Variants in CRPPA observed in about 807,000 individuals in gnomAD.
CRPPA encodes the protein D-ribitol-5-phosphate cytidylyltransferase.
In CRPPA, 43 loss-of-function variants were observed where a neutral mutation model predicts 52.0. That is an observed-to-expected ratio of 0.83 (90% CI 0.65 to 1.07). The LOEUF (loss-of-function observed/expected upper bound fraction) is 1.07. Among genes scored for constraint, CRPPA ranks in the 50% least tolerant of loss-of-function variants. The pLI, the probability that CRPPA is intolerant of heterozygous loss-of-function variation, is 0.00. For missense variants in CRPPA, 629 were observed against 551.7 expected (o/e 1.14, Z -1.40); for synonymous variants, 250 against 203.5 (o/e 1.23, Z -1.94).
intron 9 of CRPPA, among the ~76,000 whole-genome samples, chr7:16,125,729 A>C (rs1008410819): frequency 3.9e-5 from 6 of 152,294 alleles, no homozygotes; most frequent in African/African-American, 1.4e-4. Flanking sequence ...TTCAAAATTT[A>C]TCAAAAGGCC....
chr7:16,190,147 G>C (rs903865437), intron 9 of CRPPA, among the ~76,000 whole-genome samples: 1 of 152,160 alleles, frequency 6.6e-6, no homozygotes, highest in African/African-American at 2.4e-5. Context: ...ATTTACAAGT[G>C]TCAAGCCAGC....
chr7:16,314,783 G>C (rs980012428), intron 3 of CRPPA, among the ~76,000 whole-genome samples: 1 of 152,042 alleles, frequency 6.6e-6, no homozygotes, highest in Non-Finnish European at 1.5e-5. Context: ...AATTCTATGG[G>C]TAAGGTGTTT....
At chr7:16,114,572 T>C (rs540291853) in intron 9 of CRPPA, among the ~76,000 whole-genome samples, 1 of 151,838 alleles carries the variant, frequency 6.6e-6, no homozygotes, top group African/African-American at 2.4e-5. Context: ...TACTAAAACG[T>C]GTGAATAACC....
At chr7:16,376,622 C>A (rs185261738) in intron 2 of CRPPA, among the ~76,000 whole-genome samples, 5 of 152,240 alleles carry the variant, frequency 3.3e-5, no homozygotes, top group Non-Finnish European at 4.4e-5. Context: ...AGTATACCCT[C>A]AGGAGAGTTA....
intron 8 of CRPPA, among the ~76,000 whole-genome samples, chr7:16,255,942 T>C (rs942720896): frequency 6.6e-6 from 1 of 152,086 alleles, no homozygotes; most frequent in African/African-American, 2.4e-5. Flanking sequence ...AATTGACAAA[T>C]GGGATCTAAT....
intron 9 of CRPPA, among the ~76,000 whole-genome samples, chr7:16,192,172 G>A (rs1269575532): frequency 6.6e-6 from 1 of 152,060 alleles, no homozygotes; most frequent in Non-Finnish European, 1.5e-5. Flanking sequence ...TTTTCCACAT[G>A]GGATGGTGCG....
intron 3 of CRPPA, among the ~76,000 whole-genome samples, chr7:16,326,996 T>C (rs1162727244): frequency 2.0e-5 from 3 of 152,210 alleles, no homozygotes; most frequent in Non-Finnish European, 4.4e-5. Context: ...GGTCTTACCA[T>C]CTTTCCATGT....
chr7:16,115,342 T>C (rs1290970489), intron 9 of CRPPA, among the ~76,000 whole-genome samples: 1 of 152,094 alleles, frequency 6.6e-6, no homozygotes, highest in Non-Finnish European at 1.5e-5. Flanking sequence ...ATGGATTACA[T>C]ATAAGAAAAA....
chr7:16,289,113 G>A (rs1784507984), intron 5 of CRPPA, among the ~76,000 whole-genome samples: 1 of 152,076 alleles, frequency 6.6e-6, no homozygotes, highest in African/African-American at 2.4e-5. Context: ...AGAGGAAGTT[G>A]TTAAATTCCA....
At chr7:16,151,951 CA>C (rs1237847733) in intron 9 of CRPPA, among the ~76,000 whole-genome samples, 1 of 151,822 alleles carries the variant, frequency 6.6e-6, no homozygotes, top group Non-Finnish European at 1.5e-5. Flanking sequence ...AAATTCACTC[CA>C]AAATTTCATG....
rs555343934 is a variant in CRPPA, at chr7:16,247,480, C to T, written c.1119+10910G>A. On this transcript the variant is annotated intron_variant, in intron 8 of 9. Coordinates refer to ENST00000407010, the MANE Select transcript of CRPPA (RefSeq NM_001101426.4). The stretch of plus-strand genomic sequence containing the variant: ...ACACAACATTTATCAGTTAAGCTTG[C>T]CACCTTATACAGATATGATTTGCAG... Among the ~76,000 whole-genome samples the T allele has an allele frequency of 3.9e-5, 6 of 152,248 alleles. No homozygotes were observed. In the East Asian group the frequency reaches 1.2e-3, roughly 29 times the overall value.
At chr7:16,400,028 T>C (rs553105345) in intron 2 of CRPPA, among the ~76,000 whole-genome samples, 1 of 152,250 alleles carries the variant, frequency 6.6e-6, no homozygotes, top group African/African-American at 2.4e-5. Context: ...ATGACATGAT[T>C]AGTACGTGAC....
chr7:16,398,616 T>C (rs1391411554), intron 2 of CRPPA, among the ~76,000 whole-genome samples: 1 of 151,788 alleles, frequency 6.6e-6, no homozygotes, highest in Non-Finnish European at 1.5e-5. Context: ...GATTGACACA[T>C]CACCAACATG....
chr7:16,270,459 A>G (rs1263629836), intron 6 of CRPPA: 1 of 152,198 alleles, frequency 6.6e-6, no homozygotes, highest in Non-Finnish European at 1.5e-5. Context: ...TATTAATATA[A>G]ATTGTTAATT....
At chr7:16,353,237 G>C (rs6979785) in intron 3 of CRPPA, among the ~76,000 whole-genome samples, 140,596 of 152,046 alleles carry the variant, frequency 0.92, 65,256 homozygotes, top group East Asian at 0.98. Context: ...CCTGTGGTCC[G>C]AGTTACTCAG....
At chr7:16,286,087 T>TTAA (rs1313294075) in intron 5 of CRPPA, among the ~76,000 whole-genome samples, 1 of 15,514 alleles carries the variant, frequency 6.4e-5, no homozygotes, top group Non-Finnish European at 1.1e-4. Flanking sequence ...ATATAATATT[T>TTAA]AAAAAAAAAA....
intron 3 of CRPPA, among the ~76,000 whole-genome samples, chr7:16,315,653 C>G (rs10261486): frequency 0.021 from 3,224 of 151,984 alleles, 105 homozygotes; most frequent in African/African-American, 0.072. Flanking sequence ...CCATAGGAAG[C>G]ACAATAAGAT....
chr7:16,131,666 T>G (rs1782683372), intron 9 of CRPPA, among the ~76,000 whole-genome samples: 1 of 152,164 alleles, frequency 6.6e-6, no homozygotes, highest in Non-Finnish European at 1.5e-5. Context: ...CACTGCAGCC[T>G]CAACCTCCTG....
intron 9 of CRPPA, among the ~76,000 whole-genome samples, chr7:16,118,518 A>C (rs1782422555): frequency 6.6e-6 from 1 of 152,174 alleles, no homozygotes; most frequent in Admixed American, 6.5e-5. Flanking sequence ...CTTTAAAAGA[A>C]AGTACAGAGG....
Sources: gnomAD v4.1 joint callset for allele counts (sites outside exome capture counted in the v4.1 genomes callset) on GRCh38, gnomAD v4.1.1 for gene constraint, MANE v1.5 for transcripts, NCBI Gene and HGNC (gene_info 2026-07-23, HGNC 2026-07-21) for gene names.